The following TLCD4 variants were observed in gnomAD, a reference collection of about 807,000 sequenced individuals.
TLCD4 encodes TLC domain containing 4, also known as TLC domain-containing protein 4.
TLCD4 carries 7 observed loss-of-function variants against 24.2 expected under a neutral mutation model. That is an observed-to-expected ratio of 0.29 (90% CI 0.16 to 0.54). The LOEUF is 0.54. Among genes scored for constraint, TLCD4 ranks in the 20% least tolerant of loss-of-function variants. The pLI is 0.95. For missense variants in TLCD4, 259 were observed against 313.9 expected (o/e 0.82, Z 1.32); for synonymous variants, 103 against 106.4 (o/e 0.97, Z 0.20).
At chr1:95,157,497 A>G (rs1677665865) in intron 5 of TLCD4, among the ~76,000 whole-genome samples, 3 of 152,248 alleles carry the variant, frequency 2.0e-5, no homozygotes, top group African/African-American at 7.2e-5. Context: ...CATTTTGATC[A>G]TCAATTAGAA....
upstream of TLCD4, among the ~76,000 whole-genome samples, chr1:95,113,714 T>C (rs1038180500): frequency 6.6e-6 from 1 of 152,278 alleles, no homozygotes; most frequent in Non-Finnish European, 1.5e-5. Context: ...GTAGAAAATA[T>C]ATCACATATA....
intron 6 of TLCD4, among the ~76,000 whole-genome samples, chr1:95,175,245 C>G (rs1303103456): frequency 6.6e-6 from 1 of 152,146 alleles, no homozygotes; most frequent in Non-Finnish European, 1.5e-5. Flanking sequence ...CTTTCTGTTT[C>G]TATGATTTTG....
At chr1:95,100,910 C>CTT in the TLCD4 span, among the ~76,000 whole-genome samples, 4 of 142,204 alleles carry the variant, frequency 2.8e-5, no homozygotes, top group East Asian at 2.0e-4. Flanking sequence ...AGGTCTCCAA[C>CTT]TTTTTTTTTT....
chr1:95,108,147 A>G, the TLCD4 span, among the ~76,000 whole-genome samples: 8 of 152,008 alleles, frequency 5.3e-5, no homozygotes. Flanking sequence ...TAAGCTTCTT[A>G]TATATTTATC....
At chr1:95,159,483 T>C (rs943951584) in intron 5 of TLCD4, among the ~76,000 whole-genome samples, 1 of 152,228 alleles carries the variant, frequency 6.6e-6, no homozygotes, top group Non-Finnish European at 1.5e-5. Context: ...GGAGTTTCTT[T>C]TGCTGTGCAG....
At chr1:95,141,292 T>C (rs954790817) in intron 1 of TLCD4, among the ~76,000 whole-genome samples, 5 of 152,206 alleles carry the variant, frequency 3.3e-5, no homozygotes, top group Non-Finnish European at 7.3e-5. Flanking sequence ...AGTAGTTAAA[T>C]GAACAATTCA....
At chr1:95,166,303 TAA>T (rs1678016756) in intron 5 of TLCD4, among the ~76,000 whole-genome samples, 1 of 152,166 alleles carries the variant, frequency 6.6e-6, no homozygotes, top group Non-Finnish European at 1.5e-5. Flanking sequence ...ATGATGAACA[TAA>T]AGTCATCATG....
chr1:95,162,408 A>G (rs1677843220), intron 5 of TLCD4, among the ~76,000 whole-genome samples: 1 of 145,800 alleles, frequency 6.9e-6, no homozygotes, highest in African/African-American at 2.4e-5. Flanking sequence ...TGCATGTGAG[A>G]TGGGTTTCCT....
In TLCD4 at chr1:95,194,737, T is replaced by A. The variant is rs1189277039; in HGVS notation, c.*2869T>A. 3 of 152,130 alleles carry A rather than the reference T, an allele frequency of 2.0e-5. No homozygotes were observed. The highest frequency in any genetic ancestry group is 7.2e-5 in the African/African-American group (3 of 41,436). 9.4% of individuals were successfully genotyped at this position (152,130 alleles called of 1,614,324 possible). ...GAAAACCAACTAATAGCATGCAAGA[T>A]CATAGATCCTGCATTAAATTTTTAT... On this transcript the variant is annotated 3_prime_UTR_variant, in exon 7 of 7. Coordinates refer to ENST00000370203, the MANE Select transcript of TLCD4 (RefSeq NM_152487.3).
intron 1 of TLCD4, among the ~76,000 whole-genome samples, chr1:95,123,662 T>C (rs907748186): frequency 2.6e-5 from 4 of 152,196 alleles, no homozygotes; most frequent in Admixed American, 2.6e-4. Context: ...CCAGACGTTT[T>C]CTCTACAAAT....
At chr1:95,184,243 C>T (rs1218349543) in intron 6 of TLCD4, among the ~76,000 whole-genome samples, 2 of 152,128 alleles carry the variant, frequency 1.3e-5, no homozygotes, top group African/African-American at 2.4e-5. Flanking sequence ...AATATCTTGA[C>T]CCCACAGCTT....
chr1:95,164,170 CTTTG>C (rs1677930951), intron 5 of TLCD4: 1 of 152,934 alleles, frequency 6.5e-6, no homozygotes, highest in Admixed American at 6.5e-5. Flanking sequence ...TTCCAGGCCG[CTTTG>C]TTTACCTACT....
intron 6 of TLCD4, among the ~76,000 whole-genome samples, chr1:95,181,814 T>G (rs1234942691): frequency 2.0e-5 from 3 of 152,048 alleles, no homozygotes; most frequent in Admixed American, 6.6e-5. Flanking sequence ...ACAGACTGGG[T>G]TTCACTATGT....
chr1:95,152,737 C>T (rs548902924), intron 5 of TLCD4, among the ~76,000 whole-genome samples: 36 of 152,192 alleles, frequency 2.4e-4, no homozygotes, highest in Non-Finnish European at 4.4e-4. Context: ...AGGTACAAAT[C>T]CTACAGCCTT....
Position 95,191,811 on chromosome 1 carries a change from C to T in TLCD4, c.735C>T (p.Ile245=). ...IKISKGCIKV[I]SHIRQEKAKN... The stretch of plus-strand genomic sequence containing the variant: ...TTTCAAAAGGTTGCATCAAAGTCAT[C>T]TCTCACATCAGACAAGAGAAAGCCA... Residue 245 remains isoleucine, a synonymous_variant, in exon 7 of 7, where the codon ATC becomes ATT. Coordinates refer to ENST00000370203, the MANE Select transcript of TLCD4 (RefSeq NM_152487.3). The T allele has an allele frequency of 6.2e-7, 1 of 1,614,158 alleles. No individual in the cohort carries two copies. Among genetic ancestry groups the T allele is most frequent in the Non-Finnish European group, 8.5e-7 (1 of 1,180,020 alleles).
chr1:95,161,424 A>G (rs1677799917), intron 5 of TLCD4, among the ~76,000 whole-genome samples: 1 of 152,108 alleles, frequency 6.6e-6, no homozygotes, highest in South Asian at 2.1e-4. Context: ...CTAGCAGTCT[A>G]TCAATTTTGT....
intron 5 of TLCD4, among the ~76,000 whole-genome samples, chr1:95,171,474 C>T (rs1019567379): frequency 2.6e-5 from 4 of 152,118 alleles, no homozygotes; most frequent in African/African-American, 4.8e-5. Context: ...TGACATTGCC[C>T]GTTGGATTAA....
At chr1:95,173,573 A>G (rs1405784255) in intron 5 of TLCD4, among the ~76,000 whole-genome samples, 2 of 152,220 alleles carry the variant, frequency 1.3e-5, no homozygotes, top group Non-Finnish European at 2.9e-5. Context: ...TTAAGTGGAC[A>G]CTGTATACAT....
chr1:95,157,901 A>G (rs1677676327), intron 5 of TLCD4, among the ~76,000 whole-genome samples: 1 of 152,220 alleles, frequency 6.6e-6, no homozygotes, highest in Admixed American at 6.5e-5. Context: ...AGAGGTAGGA[A>G]ATAAGACCAC....
Sources: gnomAD v4.1 joint callset for allele counts (sites outside exome capture counted in the v4.1 genomes callset) on GRCh38, gnomAD v4.1.1 for gene constraint, MANE v1.5 for transcripts, NCBI Gene and HGNC (gene_info 2026-07-23, HGNC 2026-07-21) for gene names.